The following CIITA variants were observed in gnomAD, a reference collection of about 807,000 sequenced individuals.
CIITA encodes the protein MHC class II transactivator.
Under a neutral mutation model 115.1 loss-of-function variants are expected in CIITA, and 72 were observed. The observed-to-expected ratio is 0.63, with a 90% CI of 0.52 to 0.76. CIITA has a LOEUF of 0.76. Among genes scored for constraint, CIITA ranks in the 30% least tolerant of loss-of-function variants. The probability of loss-of-function intolerance (pLI) is 0.00; values close to 1 mark genes in which losing one functional copy is unlikely to be tolerated. For missense variants in CIITA, 1,617 were observed against 1,463.8 expected, an observed-to-expected ratio of 1.10 and a Z score of -1.71; for synonymous variants, 763 against 635.6, an observed-to-expected ratio of 1.20 and a Z score of -3.02.
rs2041114899 is a variant in CIITA, at chr16:10,942,469, G to C, written n.1595G>C. On this transcript the variant is annotated non_coding_transcript_exon_variant, in exon 2 of 2. Transcript: ENST00000573379. The surrounding 1 kb of genome is among the most constrained non-coding windows in gnomAD (Gnocchi z 5.0). ...CCGCGTAGCCCTCCCGGTGGCGCTCGGAGCTCCGCCTCCCGAGGGGCCCCG... is the reference window on the plus strand; with the variant it reads ...CCGCGTAGCCCTCCCGGTGGCGCTCCGAGCTCCGCCTCCCGAGGGGCCCCG... 1 of 152,740 alleles carries C rather than the reference G, an allele frequency of 6.5e-6. No individual in the cohort carries two copies. The highest frequency in any genetic ancestry group is 6.5e-5 in the Admixed American group (1 of 15,286). The allele number at this position is 152,740 out of a possible 1,614,324, so 9.5% of individuals were successfully genotyped here. A position where few individuals can be genotyped will look rare whatever the true frequency, so the allele number is the denominator to read the frequency against.
chr16:10,915,600 C>G lies in CIITA; in HGVS notation c.2919C>G (p.Phe973Leu), dbSNP rs199886989. ...GCCCTGTCTCAGGCCCCCAGGCTTT[C>G]CCCAAACTGGTGCGGATCCTCACGG... ...ALGPVSGPQA[F>L]PKLVRILTAF... The change falls in exon 14 of 20, where the codon TTC becomes TTG. Residue 973 changes from phenylalanine to leucine, a missense_variant. By Grantham distance (22) the Phe-to-Leu change is conservative. Coordinates refer to ENST00000324288, the MANE Select transcript of CIITA (RefSeq NM_000246.4). The G allele has an allele frequency of 3.1e-6, 5 of 1,614,136 alleles. No homozygotes were observed. Among genetic ancestry groups the G allele is most frequent in the Non-Finnish European group, 4.2e-6 (5 of 1,180,014 alleles).
chr16:10,911,169 T>C (rs965620497), intron 13 of CIITA, among the ~76,000 whole-genome samples: 1 of 152,112 alleles, frequency 6.6e-6, no homozygotes, highest in Non-Finnish European at 1.5e-5. Context: ...ATTATTATAT[T>C]TAGATCTGTC....
chr16:10,891,210 G>T (rs2037538595), intron 1 of CIITA, among the ~76,000 whole-genome samples: 1 of 151,984 alleles, frequency 6.6e-6, no homozygotes, highest in African/African-American at 2.4e-5. Flanking sequence ...ACAGGACAAG[G>T]GTGATCATTT....
rs938795856 is a variant in CIITA at position 10,925,125 on chromosome 16, G to C, written c.*1270G>C. ...TTCTGTACGTCTGACAGGCAATGCT[G>C]GCTGTTGGCTGGGGGCCTCAGTGCC... On this transcript the variant is annotated 3_prime_UTR_variant, in exon 20 of 20. Transcript: ENST00000324288. 2.6e-5 allele frequency: 4 copies of C among 152,310 alleles called. No homozygotes were observed. The highest frequency in any genetic ancestry group is 5.9e-5 in the Non-Finnish European group (4 of 68,100). 9.4% of individuals were successfully genotyped at this position (152,310 alleles called of 1,614,324 possible). A position where few individuals can be genotyped will look rare whatever the true frequency, so the allele number is the denominator to read the frequency against.
intron 1 of CIITA, among the ~76,000 whole-genome samples, chr16:10,889,962 G>A (rs2037381172): frequency 6.6e-6 from 1 of 152,156 alleles, no homozygotes; most frequent in Non-Finnish European, 1.5e-5. Flanking sequence ...GCTCAAATGG[G>A]CATAACACTC....
intron 1 of CIITA, among the ~76,000 whole-genome samples, chr16:10,885,807 T>C (rs1214318309): frequency 3.3e-5 from 5 of 152,166 alleles, no homozygotes; most frequent in Admixed American, 3.3e-4. Flanking sequence ...GCAGGCCCTA[T>C]TGTTGGTGAG....
chr16:10,919,713 G>A (rs2040170550), intron 16 of CIITA, among the ~76,000 whole-genome samples: 2 of 152,004 alleles, frequency 1.3e-5, no homozygotes, highest in African/African-American at 2.4e-5. Context: ...TTTTATTTAT[G>A]TAGGTGCTTA....
chr16:10,922,011 T>G (rs1013680324), intron 16 of CIITA, among the ~76,000 whole-genome samples, 156 bp from the exon 17 acceptor site: 6 of 152,236 alleles, frequency 3.9e-5, no homozygotes, highest in Non-Finnish European at 5.9e-5. Context: ...ATGTAAGTAC[T>G]TGGCACAATG....
In CIITA at chr16:10,920,709, A is replaced by ATGAAATATGGTCAGATTAC. The variant is rs1437847230; in HGVS notation, c.3150-1456_3150-1438dup. Reference sequence around the variant, plus strand: ...TGGTGACATATATGTCTTGGCATCGATGAAATATGGTCAGATTACTCTCCC... The same window carrying ATGAAATATGGTCAGATTAC: ...TGGTGACATATATGTCTTGGCATCGATGAAATATGGTCAGATTACTGAAATATGGTCAGATTACTCTCCC... On this transcript the variant is annotated intron_variant, in intron 16 of 19. Coordinates refer to ENST00000324288, the MANE Select transcript of CIITA (RefSeq NM_000246.4). The surrounding 1 kb of genome is among the most constrained non-coding windows in gnomAD (Gnocchi z 4.5). 6.6e-6 allele frequency among the ~76,000 whole-genome samples: 1 copy of ATGAAATATGGTCAGATTAC among 152,158 alleles called. No homozygotes were observed. Among genetic ancestry groups the ATGAAATATGGTCAGATTAC allele is most frequent in the African/African-American group, 2.4e-5 (1 of 41,416 alleles).
chr16:10,868,531 C>T (rs1001946856), intron 1 of CIITA, among the ~76,000 whole-genome samples: 8 of 152,196 alleles, frequency 5.3e-5, no homozygotes, highest in Non-Finnish European at 5.9e-5. Flanking sequence ...TCCTAACAGT[C>T]ACCTAGGCAA....
intron 3 of CIITA, among the ~76,000 whole-genome samples, chr16:10,897,985 C>T (rs965982563): frequency 3.9e-5 from 6 of 152,182 alleles, no homozygotes; most frequent in Admixed American, 1.3e-4. Flanking sequence ...GAACAAGTTT[C>T]CTCACTCTGC....
At chr16:10,897,389 T>C (rs2038241614) in intron 3 of CIITA, among the ~76,000 whole-genome samples, 2 of 152,158 alleles carry the variant, frequency 1.3e-5, no homozygotes, top group African/African-American at 4.8e-5. Flanking sequence ...TATCCACTAA[T>C]CCATGAACGG....
At position 10,923,661 on chromosome 16, in the gene CIITA, C is replaced by T. The variant is rs189001033; in HGVS notation, c.*23-217C>T. On this transcript the variant is annotated intron_variant, in intron 19 of 19. Coordinates refer to ENST00000324288, the MANE Select transcript of CIITA (RefSeq NM_000246.4). This position sits in a 1 kb window ranked among gnomAD's most constrained non-coding sequence, Gnocchi z 5.2. ...CGGCTTGGTGGCTGCCCTGATGCTC[C>T]GGGTTTGTCTCAGATGAACTTGCTT... Among the ~76,000 whole-genome samples the T allele has an allele frequency of 1.2e-4, 18 of 152,262 alleles. No individual in the cohort carries two copies. Among genetic ancestry groups the T allele is most frequent in the Non-Finnish European group, 2.1e-4 (14 of 68,008 alleles).
At chr16:10,871,995 G>A (rs561526806) in intron 1 of CIITA, among the ~76,000 whole-genome samples, 2 of 152,248 alleles carry the variant, frequency 1.3e-5, no homozygotes, top group South Asian at 2.1e-4. Flanking sequence ...GTTCACCTGC[G>A]TTCCTTACTG....
At chr16:10,875,726 T>C (rs992650955), upstream of CIITA, among the ~76,000 whole-genome samples, 1 of 151,996 alleles carries the variant, frequency 6.6e-6, no homozygotes, top group African/African-American at 2.4e-5. Flanking sequence ...GGCTGGAGTG[T>C]ATTTCATGAT....
chr16:10,881,918 C>T (rs953008456), intron 1 of CIITA, among the ~76,000 whole-genome samples: 3 of 152,180 alleles, frequency 2.0e-5, no homozygotes, highest in Admixed American at 6.6e-5. Flanking sequence ...AATAGAATTA[C>T]GTGATATTTG....
intron 13 of CIITA, 151 bp from the exon 14 acceptor site, chr16:10,915,419 G>A: frequency 1.4e-6 from 1 of 702,216 alleles, no homozygotes; most frequent in Non-Finnish European, 2.6e-6. Flanking sequence ...TACGTGGAAG[G>A]GTTGCAGGGA....
intron 13 of CIITA, among the ~76,000 whole-genome samples, chr16:10,913,254 C>G (rs943464030): frequency 2.7e-5 from 3 of 110,002 alleles, no homozygotes; most frequent in Admixed American, 8.5e-5. Context: ...TTCCCTGTTT[C>G]TTTCTTTCTT....
At chr16:10,916,682 T>C in intron 15 of CIITA, 2 of 572,588 alleles carry the variant, frequency 3.5e-6, no homozygotes, top group Admixed American at 2.7e-5. Context: ...TGACTTACCA[T>C]GCCCAGCCCC....
Sources: gnomAD v4.1 joint callset for allele counts (sites outside exome capture counted in the v4.1 genomes callset) on GRCh38, gnomAD v4.1.1 for gene constraint, Gnocchi (gnomAD v3.1) non-coding constraint, MANE v1.5 for transcripts, NCBI Gene and HGNC (gene_info 2026-07-23, HGNC 2026-07-21) for gene names.